CSMD1: variants seen among roughly 807,000 people sequenced by gnomAD.
CSMD1 encodes the protein CUB and sushi domain-containing protein 1.
In CSMD1, 213 loss-of-function variants were observed where a neutral mutation model predicts 417.5. The observed-to-expected ratio is 0.51, with a 90% CI of 0.46 to 0.57. The LOEUF (loss-of-function observed/expected upper bound fraction) is 0.57. Among genes scored for constraint, CSMD1 ranks in the 20% least tolerant of loss-of-function variants. The pLI is 0.00. For missense variants in CSMD1, 6,923 were observed against 4,529.7 expected (o/e 1.53, Z -15.17); for synonymous variants, 2,862 against 1,736.8 (o/e 1.65, Z -16.11).
At chr8:3,805,972 G>C (rs1030903327) in intron 5 of CSMD1, among the ~76,000 whole-genome samples, 1 of 152,012 alleles carries the variant, frequency 6.6e-6, no homozygotes, top group Admixed American at 6.6e-5. Flanking sequence ...TCCGTCTTCA[G>C]ATTCTAGGCA....
chr8:4,183,880 G>T (rs958108352), intron 3 of CSMD1, among the ~76,000 whole-genome samples: 15 of 152,066 alleles, frequency 9.9e-5, no homozygotes, highest in Admixed American at 2.0e-4. Context: ...TTTTTAGTTG[G>T]GGCATGTGGA....
At chr8:3,455,598 G>C (rs573733151) in intron 12 of CSMD1, among the ~76,000 whole-genome samples, 1 of 152,194 alleles carries the variant, frequency 6.6e-6, no homozygotes, top group South Asian at 2.1e-4. Flanking sequence ...GTGTGCCTGG[G>C]TATCAGCAGC....
intron 1 of CSMD1, among the ~76,000 whole-genome samples, chr8:4,845,285 A>G (rs1331802720): frequency 2.0e-5 from 3 of 152,214 alleles, no homozygotes; most frequent in African/African-American, 7.2e-5. Flanking sequence ...TTTTCGATTT[A>G]GAAAACGAAC....
chr8:4,317,819 G>A (rs10093629), intron 3 of CSMD1, among the ~76,000 whole-genome samples: 152,106 of 152,266 alleles, frequency 1, 75,973 homozygotes, highest in Non-Finnish European at 1. Flanking sequence ...TAGGCATTCA[G>A]TAATTATTTG....
chr8:4,377,498 C>G (rs923986686), intron 3 of CSMD1, among the ~76,000 whole-genome samples: 2 of 152,248 alleles, frequency 1.3e-5, no homozygotes, highest in Admixed American at 1.3e-4. Flanking sequence ...TTTAAAGGTT[C>G]TCCAAAGATC....
intron 5 of CSMD1, among the ~76,000 whole-genome samples, chr8:3,951,340 C>T (rs1469601515): frequency 6.6e-6 from 1 of 152,158 alleles, no homozygotes; most frequent in Non-Finnish European, 1.5e-5. Context: ...GCCCAGTGTC[C>T]TGAACGGAGC....
chr8:3,184,741 T>C (rs1255554260), intron 36 of CSMD1, among the ~76,000 whole-genome samples: 1 of 152,240 alleles, frequency 6.6e-6, no homozygotes. Context: ...ATCTTTACCA[T>C]GGCTGGGAAT....
intron 4 of CSMD1, among the ~76,000 whole-genome samples, chr8:3,998,363 A>G (rs73658527): frequency 1.3e-5 from 2 of 152,274 alleles, no homozygotes; most frequent in East Asian, 1.9e-4. Flanking sequence ...TTTCTGAAAC[A>G]TGGAAAGTGT....
At chr8:4,354,646 T>C (rs1052281633) in intron 3 of CSMD1, among the ~76,000 whole-genome samples, 1 of 152,084 alleles carries the variant, frequency 6.6e-6, no homozygotes, top group Non-Finnish European at 1.5e-5. Flanking sequence ...AATAAACACA[T>C]GAACATCTAT....
At chr8:4,658,201 A>G (rs1325389747) in intron 1 of CSMD1, among the ~76,000 whole-genome samples, 1 of 152,184 alleles carries the variant, frequency 6.6e-6, no homozygotes, top group Non-Finnish European at 1.5e-5. Flanking sequence ...AAATGACTGC[A>G]AATTTCCAAA....
At chr8:3,791,073 G>A (rs1364936824) in intron 5 of CSMD1, among the ~76,000 whole-genome samples, 1 of 152,316 alleles carries the variant, frequency 6.6e-6, no homozygotes, top group African/African-American at 2.4e-5. Flanking sequence ...TACTTGGTGA[G>A]AAATTAATTT....
chr8:4,860,994 C>T (rs563979104), intron 1 of CSMD1, among the ~76,000 whole-genome samples: 1 of 152,234 alleles, frequency 6.6e-6, no homozygotes, highest in African/African-American at 2.4e-5. Context: ...TTCACGTTCT[C>T]ACTACTATTG....
At chr8:3,353,346 A>T (rs1307616527) in intron 21 of CSMD1, among the ~76,000 whole-genome samples, 3 of 152,348 alleles carry the variant, frequency 2.0e-5, no homozygotes, top group South Asian at 2.1e-4. Flanking sequence ...GAAGCTTCTT[A>T]TCTCCATTCC....
chr8:4,847,046 T>G (rs1801185177), intron 1 of CSMD1, among the ~76,000 whole-genome samples: 1 of 152,310 alleles, frequency 6.6e-6, no homozygotes, highest in Admixed American at 6.5e-5. Flanking sequence ...AGCATTCTTG[T>G]TCTGATAATT....
intron 5 of CSMD1, among the ~76,000 whole-genome samples, chr8:3,959,803 G>A (rs150878176): frequency 2.6e-5 from 4 of 152,206 alleles, no homozygotes; most frequent in African/African-American, 7.2e-5. Context: ...ACTCTGACCT[G>A]TTAGCACCTT....
intron 2 of CSMD1, among the ~76,000 whole-genome samples, chr8:4,529,336 T>A (rs572616287): frequency 6.6e-6 from 1 of 152,204 alleles, no homozygotes; most frequent in Non-Finnish European, 1.5e-5. Context: ...AGAATCCAGC[T>A]GTCTGCTGTT....
intron 1 of CSMD1, among the ~76,000 whole-genome samples, chr8:4,905,335 G>C (rs117937009): frequency 6.6e-6 from 1 of 151,778 alleles, no homozygotes; most frequent in Non-Finnish European, 1.5e-5. Context: ...TATCATAAAG[G>C]CTACCATTTC....
intron 5 of CSMD1, among the ~76,000 whole-genome samples, chr8:3,918,279 A>G (rs2627392): frequency 8.8e-4 from 134 of 152,114 alleles, no homozygotes; most frequent in African/African-American, 3.0e-3. Context: ...GCAGCCTACA[A>G]ACTCTTTTCA....
chr8:3,955,589 C>A (rs1460709751), intron 5 of CSMD1, among the ~76,000 whole-genome samples: 1 of 152,096 alleles, frequency 6.6e-6, no homozygotes, highest in Non-Finnish European at 1.5e-5. Flanking sequence ...TTGGTGCTAC[C>A]TGCCCTGCTC....
Sources: gnomAD v4.1 joint callset for allele counts (sites outside exome capture counted in the v4.1 genomes callset) on GRCh38, gnomAD v4.1.1 for gene constraint, MANE v1.5 for transcripts, NCBI Gene and HGNC (gene_info 2026-07-23, HGNC 2026-07-21) for gene names.